The following SCYL1 variants were observed in gnomAD, a reference collection of about 807,000 sequenced individuals.
The protein encoded by SCYL1 is N-terminal kinase-like protein.
Under a neutral mutation model 94.8 loss-of-function variants are expected in SCYL1, and 85 were observed. The ratio of observed to expected loss-of-function variants is 0.90; its 90% CI spans 0.75 to 1.07. The LOEUF is 1.07. Ranked by LOEUF, SCYL1 falls within the 50% of genes least tolerant of loss-of-function variation. The pLI is 0.00. For missense variants in SCYL1, 968 were observed against 1,083.3 expected (o/e 0.89, Z 1.49); for synonymous variants, 459 against 435.5 (o/e 1.05, Z -0.67).
chr11:65,536,647 C>T lies in SCYL1; in HGVS notation c.1713C>T (p.Gly571=). 6.2e-7 allele frequency: 1 copy of T among 1,614,102 alleles called. No homozygotes were observed. The highest frequency in any genetic ancestry group is 8.5e-7 in the Non-Finnish European group (1 of 1,179,960). The stretch of plus-strand genomic sequence containing the variant: ...GAGGAGCCGCAGCTAGCTGGGCAGG[C>T]TGGGCCGTGACCGGGGTCTCCTCAC... The part of the protein sequence containing the change: ...GMGGAAASWA[G]WAVTGVSSLT... Residue 571 remains glycine (G), a synonymous_variant, in exon 13 of 18, where the codon GGC becomes GGT. Coordinates refer to ENST00000270176, the MANE Select transcript of SCYL1 (RefSeq NM_020680.4).
At position 65,535,304 on chromosome 11, in the gene SCYL1, G is replaced by A. The variant is rs901792939; in HGVS notation, c.1308G>A (p.Gln436=). The change falls in exon 10 of 18, where the codon CAG becomes CAA. Residue 436 remains glutamine (Q), a synonymous_variant. Transcript: ENST00000270176. ...TGATGAAGCACTTTGCACGGCTACAGGCCAAGGATGAACAGGGCCCCATCC... is the reference window on the plus strand; with the variant it reads ...TGATGAAGCACTTTGCACGGCTACAAGCCAAGGATGAACAGGGCCCCATCC... ...VELMKHFARL[Q]AKDEQGPIRC... The A allele has an allele frequency of 2.5e-6, 4 of 1,614,136 alleles. No homozygotes were observed. The highest frequency in any genetic ancestry group is 3.4e-6 in the Non-Finnish European group (4 of 1,180,046).
At chr11:65,530,606 G>A (rs1855312597) in intron 6 of SCYL1, 23 bp from the exon 7 acceptor site, 4 of 1,602,588 alleles carry the variant, frequency 2.5e-6, no homozygotes, top group South Asian at 1.1e-5. Flanking sequence ...TCTCTTCCCC[G>A]GGTCCCGTCC....
intron 9 of SCYL1, 112 bp from the exon 10 acceptor site, chr11:65,535,115 C>G: frequency 7.2e-7 from 1 of 1,385,436 alleles, no homozygotes; most frequent in Non-Finnish European, 9.9e-7. Flanking sequence ...TGGGAGGTGG[C>G]CTTGCAGGCT....
chr11:65,530,564 C>G (rs1261318336), intron 6 of SCYL1, 65 bp from the exon 7 acceptor site: 1 of 1,550,406 alleles, frequency 6.4e-7, no homozygotes, highest in Admixed American at 1.8e-5. Context: ...TTGTCCTCAC[C>G]CATGGCTGGG....
At position 65,527,123 on chromosome 11, in the gene SCYL1, C is replaced by T. The variant is rs368331484; in HGVS notation, c.849+6C>T. ...TCTTCCTGGAGGAGATTCAGGTGAGCCCCCAACCCACCCTGGGCTTCGACC... is the reference window on the plus strand; with the variant it reads ...TCTTCCTGGAGGAGATTCAGGTGAGTCCCCAACCCACCCTGGGCTTCGACC... On this transcript the variant is annotated splice_donor_region_variant and intron_variant, in intron 6 of 17. Coordinates refer to ENST00000270176, the MANE Select transcript of SCYL1 (RefSeq NM_020680.4). The T allele has an allele frequency of 6.2e-7, 1 of 1,611,410 alleles. No individual in the cohort carries two copies. The highest frequency in any genetic ancestry group is 8.5e-7 in the Non-Finnish European group (1 of 1,178,218).
At chr11:65,531,715 C>T (rs762951088) in intron 8 of SCYL1, 32 bp downstream of exon 8, 1 of 1,524,976 alleles carries the variant, frequency 6.6e-7, no homozygotes, top group East Asian at 2.3e-5. Context: ...CTGTGGTGGT[C>T]CACCCAGACC....
In SCYL1 at chr11:65,531,669, C is replaced by A; in HGVS notation, c.1102C>A (p.Arg368Ser). 1 of 1,613,132 alleles carries A rather than the reference C, an allele frequency of 6.2e-7. No homozygotes were observed. Among genetic ancestry groups the A allele is most frequent in the Non-Finnish European group, 8.5e-7 (1 of 1,179,198 alleles). Residue 368 changes from arginine (R) to serine (S), a missense_variant, in exon 8 of 18, where the codon CGC (arginine) becomes AGC (serine). Coordinates refer to ENST00000270176, the MANE Select transcript of SCYL1 (RefSeq NM_020680.4). ...FSSTDRAMRI[R>S]LLQQMEQFIQ... Reference sequence around the variant, plus strand: ...ATCCACTGACCGGGCCATGCGCATCCGCCTCCTGCAGCAGGTGAGGCCTCT... The same window carrying A: ...ATCCACTGACCGGGCCATGCGCATCAGCCTCCTGCAGCAGGTGAGGCCTCT...
rs897028532 is a variant in SCYL1 at position 65,525,093 on chromosome 11, G to A, written c.-61G>A. 5.3e-6 allele frequency: 6 copies of A among 1,122,656 alleles called. No homozygotes were observed. The highest frequency in any genetic ancestry group is 6.8e-6 in the Non-Finnish European group (6 of 882,100). The allele number at this position is 1,122,656 out of a possible 1,614,324, so 69.5% of individuals were successfully genotyped here. ...CCCCGCCCCCTCTCCGCCCCGCCCC[G>A]GCTCGGGCGGCCGGAGGACCCGGAG... is the stretch of plus-strand genomic sequence containing the variant. On this transcript the variant is annotated 5_prime_UTR_variant, in exon 1 of 18. Transcript: ENST00000270176.
At chr11:65,535,748 C>T in intron 10 of SCYL1, 4 of 608,768 alleles carry the variant, frequency 6.6e-6, no homozygotes, top group Non-Finnish European at 1.1e-5. Flanking sequence ...GGTCCCATGC[C>T]CTGAGGCAGT....
chr11:65,535,611 G>A, intron 10 of SCYL1: 1 of 626,960 alleles, frequency 1.6e-6, no homozygotes, highest in Non-Finnish European at 2.7e-6. Flanking sequence ...TGGCCTGTGT[G>A]CATCCCTTCA....
chr11:65,535,736 G>T, intron 10 of SCYL1: 1 of 594,014 alleles, frequency 1.7e-6, no homozygotes, highest in Non-Finnish European at 2.9e-6. Context: ...AGCTGCTGTT[G>T]TGGTCCCATG....
chr11:65,525,924 GA>G lies in SCYL1; in HGVS notation c.261del (p.Lys87AsnfsTer6). ...ILAYIDGLETEKCLHVVTEAV... is the reference protein window; with the variant it reads ...ILAYIDGLETXKCLHVVTEAV... ...AACCCTGTGTCCCCTTCCCCAGACA[GA>G]AAAATGCCTCCACGTCGTGACAGAG... On this transcript the variant is annotated frameshift_variant, in exon 3 of 18. Transcript: ENST00000270176. LOFTEE classifies it high-confidence loss of function. 6.2e-7 allele frequency: 1 copy of G among 1,613,264 alleles called. No individual in the cohort carries two copies. Among genetic ancestry groups the G allele is most frequent in the Non-Finnish European group, 8.5e-7 (1 of 1,179,732 alleles).
chr11:65,534,021 G>C (rs990666798), intron 9 of SCYL1, among the ~76,000 whole-genome samples: 1 of 152,134 alleles, frequency 6.6e-6, no homozygotes, highest in Non-Finnish European at 1.5e-5. Flanking sequence ...AAGGGCAGGA[G>C]ATCAAGACCA....
At chr11:65,527,793 A>C (rs917266562) in intron 6 of SCYL1, among the ~76,000 whole-genome samples, 2 of 152,320 alleles carry the variant, frequency 1.3e-5, no homozygotes, top group African/African-American at 4.8e-5. Flanking sequence ...AAATCCAAAA[A>C]ACATCTGAAA....
At chr11:65,535,629 T>C (rs1199590665) in intron 10 of SCYL1, 1 of 605,022 alleles carries the variant, frequency 1.7e-6, no homozygotes, top group African/African-American at 1.9e-5. Context: ...TCAGCCAGGG[T>C]TTGTAAGTTC....
At position 65,536,150 on chromosome 11, in the gene SCYL1, C is replaced by T; in HGVS notation, c.1575+9C>T. On this transcript the variant is annotated intron_variant, in intron 11 of 17. Coordinates refer to ENST00000270176, the MANE Select transcript of SCYL1 (RefSeq NM_020680.4). The stretch of plus-strand genomic sequence containing the variant: ...AATCCGTGCGAGACCAGGTGAGGCA[C>T]AGCTGGGCCTGGGCCCTGGGCTGGG... 1 of 1,611,836 alleles carries T rather than the reference C, an allele frequency of 6.2e-7. No individual in the cohort carries two copies. The highest frequency in any genetic ancestry group is 8.5e-7 in the Non-Finnish European group (1 of 1,178,558).
At chr11:65,536,827 A>G (rs1227796997) in intron 13 of SCYL1, 77 bp downstream of exon 13, 2 of 1,484,256 alleles carry the variant, frequency 1.3e-6, no homozygotes, top group Admixed American at 3.7e-5. Context: ...TTACTGTCTG[A>G]CTCCCCCGGG....
Position 65,530,533 on chromosome 11 carries a change from G to A in SCYL1, c.850-96G>A, listed in dbSNP as rs1457454743. 9 of 1,401,826 alleles carry A rather than the reference G, an allele frequency of 6.4e-6. No homozygotes were observed. The African/African-American group carries it at 8.7e-5, about 14-fold the overall frequency. 86.8% of individuals were successfully genotyped at this position (1,401,826 alleles called of 1,614,324 possible). On this transcript the variant is annotated intron_variant, in intron 6 of 17. Coordinates refer to ENST00000270176, the MANE Select transcript of SCYL1 (RefSeq NM_020680.4). ...GCAGCCAGGCTCCAGAGCCCATAAG[G>A]CCCATAAGCATCACTTCTCCTTGTC...
rs767992237 is a variant in SCYL1, at chr11:65,530,724, C to G, written c.945C>G (p.Pro315=). ...PEDFCRHKVL[P]QLLTAFEFGN... ...ATTTCTGTCGGCACAAGGTGCTGCC[C>G]CAGCTGCTGACCGCCTTCGAGTTCG... The change falls in exon 7 of 18, where the codon CCC becomes CCG. Residue 315 remains proline (P), a synonymous_variant. Coordinates refer to ENST00000270176, the MANE Select transcript of SCYL1 (RefSeq NM_020680.4). The G allele has an allele frequency of 5.6e-6, 9 of 1,614,066 alleles. No homozygotes were observed. Among genetic ancestry groups the G allele is most frequent in the Admixed American group, 3.3e-5 (2 of 60,020 alleles).
Sources: gnomAD v4.1 joint callset for allele counts (sites outside exome capture counted in the v4.1 genomes callset) on GRCh38, gnomAD v4.1.1 for gene constraint, MANE v1.5 for transcripts, NCBI Gene and HGNC (gene_info 2026-07-23, HGNC 2026-07-21) for gene names.